CFAP58: variants seen among roughly 807,000 people sequenced by gnomAD.
The protein encoded by CFAP58 is cilia- and flagella-associated protein 58.
In CFAP58, 88 loss-of-function variants were observed where a neutral mutation model predicts 119.5. The observed-to-expected ratio is 0.74, with a 90% CI of 0.62 to 0.88. The LOEUF is 0.88. CFAP58 is among the 40% of genes least tolerant of loss of function. CFAP58 has a pLI of 0.00. For missense variants in CFAP58, 990 were observed against 1,021.2 expected, an observed-to-expected ratio of 0.97 and a Z score of 0.42; for synonymous variants, 365 against 366.3, an observed-to-expected ratio of 1.00 and a Z score of 0.04.
intron 12 of CFAP58, 95 bp from the exon 13 acceptor site, chr10:104,400,579 TGTGGGC>T: frequency 1.1e-6 from 1 of 940,154 alleles, no homozygotes; most frequent in South Asian, 1.4e-5. Flanking sequence ...GCCCAGTACA[TGTGGGC>T]GTTCAATAGA....
chr10:104,423,961 C>T (rs1467199790), intron 15 of CFAP58, among the ~76,000 whole-genome samples: 1 of 152,162 alleles, frequency 6.6e-6, no homozygotes. Flanking sequence ...CAAACACCTA[C>T]ATGAATCCTT....
chr10:104,437,676 G>A (rs2012956778), intron 15 of CFAP58, among the ~76,000 whole-genome samples: 1 of 151,990 alleles, frequency 6.6e-6, no homozygotes, highest in Non-Finnish European at 1.5e-5. Flanking sequence ...AGAGAAAATT[G>A]AACAAGTATA....
chr10:104,380,107 G>A lies in CFAP58; in HGVS notation c.1252G>A (p.Glu418Lys). 6.2e-7 allele frequency: 1 copy of A among 1,614,134 alleles called. No homozygotes were observed. The highest frequency in any genetic ancestry group is 8.5e-7 in the Non-Finnish European group (1 of 1,179,998). ...CCATGAACAAGCCAAGAGGAACCTG[G>A]AGGGAGAAATCCAGAACTACAAGGA... ...KLHEQAKRNL[E>K]GEIQNYKDEA... The change falls in exon 9 of 18, where the codon GAG (glutamate) becomes AAG (lysine). Residue 418 changes from glutamate to lysine, a missense_variant. Glu to Lys is a moderately conservative substitution (Grantham distance 56, BLOSUM62 1). Transcript: ENST00000369704.
chr10:104,404,883 C>T (rs1349677873), intron 14 of CFAP58, among the ~76,000 whole-genome samples: 4 of 152,222 alleles, frequency 2.6e-5, no homozygotes, highest in Non-Finnish European at 5.9e-5. Context: ...AGGCGTGAGC[C>T]ACCACGCCCA....
the CFAP58 span, among the ~76,000 whole-genome samples, chr10:104,345,108 T>C: frequency 4.6e-5 from 7 of 151,876 alleles, 1 homozygote; most frequent in African/African-American, 1.7e-4. Context: ...GATTGTGCCA[T>C]TGCACTCCAG....
intron 15 of CFAP58, among the ~76,000 whole-genome samples, chr10:104,416,204 C>T (rs56236073): frequency 6.6e-6 from 1 of 151,990 alleles, no homozygotes; most frequent in Non-Finnish European, 1.5e-5. Context: ...TAATTACGTT[C>T]GGGGGGTTTT....
chr10:104,349,196 C>T (rs1421064350), upstream of CFAP58, among the ~76,000 whole-genome samples: 5 of 152,070 alleles, frequency 3.3e-5, no homozygotes, highest in Non-Finnish European at 2.9e-5. Flanking sequence ...TGCAGTGAGC[C>T]GAGATTGTGC....
intron 8 of CFAP58, among the ~76,000 whole-genome samples, chr10:104,377,552 AT>A (rs1314031127): frequency 6.6e-6 from 1 of 152,022 alleles, no homozygotes; most frequent in Admixed American, 6.6e-5. Context: ...ATTAGGGTAA[AT>A]TTTCCTGCTC....
intron 2 of CFAP58, among the ~76,000 whole-genome samples, chr10:104,360,714 A>G (rs2014655662): frequency 6.6e-6 from 1 of 152,106 alleles, no homozygotes; most frequent in African/African-American, 2.4e-5. Flanking sequence ...GCTCCCATTT[A>G]TAAGTGAGAA....
chr10:104,349,144 A>G (rs529048387), upstream of CFAP58, among the ~76,000 whole-genome samples: 47 of 152,272 alleles, frequency 3.1e-4, no homozygotes, highest in African/African-American at 1.1e-3. Context: ...GCTACTCTGG[A>G]GGCTGAGGCA....
chr10:104,438,348 GTTTTTTTTTTTT>G lies in CFAP58; in HGVS notation c.2257-9349_2257-9338del, dbSNP rs1564904746. Among the ~76,000 whole-genome samples the G allele has an allele frequency of 5.4e-5, 2 of 36,740 alleles. 1 individual carries two copies. The highest frequency in any genetic ancestry group is 1.8e-4 in the African/African-American group (2 of 11,376). The allele number at this position is 36,740 out of a possible 152,430, so 24.1% of individuals were successfully genotyped here. On this transcript the variant is annotated intron_variant, in intron 15 of 17. Transcript: ENST00000369704. ...ATTGTTTTTTTGTTTTTTGTTTTTT[GTTTTTTTTTTTT>G]GTTTTTTTTTTTTGTTTTTTTTTTT... is the stretch of plus-strand genomic sequence containing the variant.
At position 104,399,480 on chromosome 10, in the gene CFAP58, CAGA is replaced by C. The variant is rs754613856; in HGVS notation, c.1801_1803del (p.Lys601del). ...TGAGGCTGACGGGGAGAGGTTGAGA[CAGA>C]AGAAGGAATTAGACCAGGTAGAGCA... On this transcript the variant is annotated inframe_deletion, in exon 12 of 18. Transcript: ENST00000369704. 8.1e-6 allele frequency: 13 copies of C among 1,613,542 alleles called. No individual in the cohort carries two copies. The highest frequency in any genetic ancestry group is 1.7e-5 in the Admixed American group (1 of 59,940).
chr10:104,405,445 A>G (rs1054117747), intron 14 of CFAP58, among the ~76,000 whole-genome samples: 3 of 152,224 alleles, frequency 2.0e-5, no homozygotes, highest in Non-Finnish European at 4.4e-5. Context: ...TTCCACATCA[A>G]TTTCTGTTAG....
At chr10:104,373,190 T>G (rs931867570) in intron 7 of CFAP58, among the ~76,000 whole-genome samples, 2 of 151,830 alleles carry the variant, frequency 1.3e-5, no homozygotes, top group African/African-American at 4.8e-5. Context: ...GATCTATATA[T>G]TAAAAAAAGC....
intron 9 of CFAP58, among the ~76,000 whole-genome samples, chr10:104,387,372 A>G (rs1203152783): frequency 1.3e-5 from 2 of 152,160 alleles, no homozygotes; most frequent in Non-Finnish European, 2.9e-5. Context: ...AAGGAAGGAG[A>G]ACAAGAGACA....
At chr10:104,406,111 A>G (rs989701784) in intron 14 of CFAP58, among the ~76,000 whole-genome samples, 1 of 152,176 alleles carries the variant, frequency 6.6e-6, no homozygotes, top group African/African-American at 2.4e-5. Flanking sequence ...AACAACAACA[A>G]AAAGAATTCT....
intron 3 of CFAP58, among the ~76,000 whole-genome samples, chr10:104,362,437 G>A (rs2014681254): frequency 6.6e-6 from 1 of 152,136 alleles, no homozygotes; most frequent in Non-Finnish European, 1.5e-5. Flanking sequence ...AAGATGTTAG[G>A]TTTCTCTGCA....
At chr10:104,424,696 C>T (rs1223310206) in intron 15 of CFAP58, among the ~76,000 whole-genome samples, 1 of 152,114 alleles carries the variant, frequency 6.6e-6, no homozygotes, top group Non-Finnish European at 1.5e-5. Context: ...CACCTAAACA[C>T]GACATTCTGG....
At chr10:104,426,429 C>T (rs1367158775) in intron 15 of CFAP58, among the ~76,000 whole-genome samples, 1 of 150,660 alleles carries the variant, frequency 6.6e-6, no homozygotes, top group Non-Finnish European at 1.5e-5. Context: ...ACACCTCCTT[C>T]CCCCCGCCGC....
Sources: gnomAD v4.1 joint callset for allele counts (sites outside exome capture counted in the v4.1 genomes callset) on GRCh38, gnomAD v4.1.1 for gene constraint, MANE v1.5 for transcripts, NCBI Gene and HGNC (gene_info 2026-07-23, HGNC 2026-07-21) for gene names.